The following B4GALT5 variants were observed in gnomAD, a reference collection of about 807,000 sequenced individuals.
The protein encoded by B4GALT5 is beta-1,4-galactosyltransferase 5.
In B4GALT5, 11 loss-of-function variants were observed where a neutral mutation model predicts 45.0. The observed-to-expected ratio is 0.24, with a 90% confidence interval of 0.15 to 0.40. The LOEUF is 0.40. Ranked by LOEUF, B4GALT5 falls within the 10% of genes least tolerant of loss-of-function variation. B4GALT5 has a pLI of 1.00. For missense variants in B4GALT5, 337 were observed against 500.2 expected, an observed-to-expected ratio of 0.67 and a Z score of 3.11; for synonymous variants, 185 against 182.9, an observed-to-expected ratio of 1.01 and a Z score of -0.09.
Position 49,636,477 on chromosome 20 carries a change from A to G in B4GALT5, c.1020-18T>C. On this transcript the variant is annotated intron_variant, in intron 8 of 8. Coordinates refer to ENST00000371711, the MANE Select transcript of B4GALT5 (RefSeq NM_004776.4). ...GAGCATACCTGTTTAGGGAGGGAAC[A>G]GAGAAGAGGTGGCTCTGAGTGAGGA... 6.2e-7 allele frequency: 1 copy of G among 1,613,762 alleles called. No homozygotes were observed. Among genetic ancestry groups the G allele is most frequent in the Non-Finnish European group, 8.5e-7 (1 of 1,179,738 alleles).
chr20:49,676,268 T>C (rs1876364751), intron 1 of B4GALT5, among the ~76,000 whole-genome samples: 1 of 151,936 alleles, frequency 6.6e-6, no homozygotes, highest in Non-Finnish European at 1.5e-5. Flanking sequence ...TCACTGAAAA[T>C]AAAAGTGATC....
At chr20:49,665,478 AAT>A (rs1405795662) in intron 1 of B4GALT5, among the ~76,000 whole-genome samples, 15 of 141,196 alleles carry the variant, frequency 1.1e-4, no homozygotes, top group African/African-American at 3.9e-4. Flanking sequence ...TAATAATAAT[AAT>A]AATGAAGAAA....
At chr20:49,641,525 C>G (rs1293091762) in intron 5 of B4GALT5, among the ~76,000 whole-genome samples, 1 of 152,190 alleles carries the variant, frequency 6.6e-6, no homozygotes, top group Non-Finnish European at 1.5e-5. Context: ...TACATTGACT[C>G]CCCCTTGCCA....
chr20:49,637,562 C>T (rs1395211509), intron 7 of B4GALT5, 120 bp from the exon 8 acceptor site: 7 of 690,364 alleles, frequency 1.0e-5, no homozygotes, highest in East Asian at 5.2e-5. Context: ...AGCTCTCACC[C>T]GCTTAACTGA....
chr20:49,687,126 C>CT (rs1568730348), intron 1 of B4GALT5, among the ~76,000 whole-genome samples: 1 of 152,112 alleles, frequency 6.6e-6, no homozygotes, highest in Non-Finnish European at 1.5e-5. Context: ...GAGAAAGGTG[C>CT]TACTGGCATC....
intron 1 of B4GALT5, among the ~76,000 whole-genome samples, chr20:49,684,812 T>C (rs969864200): frequency 6.6e-6 from 1 of 152,246 alleles, no homozygotes; most frequent in Admixed American, 6.5e-5. Context: ...TTTGAGTCCC[T>C]GCTCGGCTTA....
At chr20:49,662,767 A>C (rs1332396228) in intron 1 of B4GALT5, among the ~76,000 whole-genome samples, 1 of 152,190 alleles carries the variant, frequency 6.6e-6, no homozygotes, top group Non-Finnish European at 1.5e-5. Context: ...GCTTTTAAAA[A>C]CATGTTCCAT....
Position 49,691,191 on chromosome 20 carries a change from A to T in B4GALT5, c.115+22385T>A, listed in dbSNP as rs561858137. ...TCTGATTAAAATGACGGTGCGGGGC[A>T]ATCAGCCAGCTTTAGACACTGCTCC... On this transcript the variant is annotated intron_variant, in intron 1 of 8. Coordinates refer to ENST00000371711, the MANE Select transcript of B4GALT5 (RefSeq NM_004776.4). Among the ~76,000 whole-genome samples the T allele has an allele frequency of 2.0e-5, 3 of 152,278 alleles. No homozygotes were observed. In the South Asian group the frequency reaches 6.2e-4, roughly 32 times the overall value.
At chr20:49,697,110 C>T (rs771242819) in intron 1 of B4GALT5, among the ~76,000 whole-genome samples, 1 of 152,214 alleles carries the variant, frequency 6.6e-6, no homozygotes, top group Non-Finnish European at 1.5e-5. Flanking sequence ...TTGTTGCCTC[C>T]TTACCCTTCT....
chr20:49,713,006 TA>T (rs2146366472), intron 1 of B4GALT5, among the ~76,000 whole-genome samples: 1 of 130,964 alleles, frequency 7.6e-6, no homozygotes, highest in Admixed American at 8.4e-5. Flanking sequence ...GTGGATGTAA[TA>T]GGGGAAGTAG....
At chr20:49,697,969 A>T (rs1444105181) in intron 1 of B4GALT5, among the ~76,000 whole-genome samples, 1 of 152,228 alleles carries the variant, frequency 6.6e-6, no homozygotes, top group Non-Finnish European at 1.5e-5. Flanking sequence ...TGAGGTTAGA[A>T]AAATTACTTT....
intron 1 of B4GALT5, among the ~76,000 whole-genome samples, chr20:49,711,112 C>A: frequency 6.6e-6 from 1 of 151,358 alleles, no homozygotes. Context: ...GAAGGGCAAA[C>A]AGCTAAATGT....
At chr20:49,692,069 G>C (rs948216100) in intron 1 of B4GALT5, among the ~76,000 whole-genome samples, 2 of 151,948 alleles carry the variant, frequency 1.3e-5, no homozygotes, top group Non-Finnish European at 2.9e-5. Context: ...TCTGTAAAGA[G>C]GCCTCAGACA....
At chr20:49,694,948 T>TCC (rs2085832546) in intron 1 of B4GALT5, among the ~76,000 whole-genome samples, 1 of 152,060 alleles carries the variant, frequency 6.6e-6, no homozygotes, top group Admixed American at 6.6e-5. Context: ...CAGAGAACCC[T>TCC]CCTTCTACCA....
At chr20:49,667,365 C>T (rs2085695839) in intron 1 of B4GALT5, among the ~76,000 whole-genome samples, 1 of 151,028 alleles carries the variant, frequency 6.6e-6, no homozygotes, top group Non-Finnish European at 1.5e-5. Flanking sequence ...CATTCTCCTG[C>T]CTCAGCCTCC....
intron 1 of B4GALT5, among the ~76,000 whole-genome samples, chr20:49,695,659 C>T (rs566629814): frequency 6.6e-6 from 1 of 152,158 alleles, no homozygotes; most frequent in Non-Finnish European, 1.5e-5. Context: ...GTTTGGCCTC[C>T]CAAAGTGCTA....
chr20:49,702,966 G>A (rs988687365), intron 1 of B4GALT5, among the ~76,000 whole-genome samples: 4 of 151,868 alleles, frequency 2.6e-5, no homozygotes, highest in Admixed American at 6.6e-5. Flanking sequence ...GAGGTCAGGA[G>A]ATCAAGACCA....
rs867686454 is a variant in B4GALT5, at chr20:49,690,560, A to G, written c.115+23016T>C. 5.9e-3 allele frequency among the ~76,000 whole-genome samples: 874 copies of G among 149,356 alleles called. 16 individuals are homozygous for G. Among genetic ancestry groups the G allele is most frequent in the African/African-American group, 0.02 (799 of 40,536 alleles). On this transcript the variant is annotated intron_variant, in intron 1 of 8. Coordinates refer to ENST00000371711, the MANE Select transcript of B4GALT5 (RefSeq NM_004776.4). ...GTGAAACTCTAACTCAAAAAAAAAA[A>G]GGGGGGGGTGACAATTATATTTTAA... is the stretch of plus-strand genomic sequence containing the variant.
intron 1 of B4GALT5, among the ~76,000 whole-genome samples, chr20:49,710,844 T>C (rs556038471): frequency 3.3e-5 from 5 of 152,270 alleles, no homozygotes; most frequent in Admixed American, 2.0e-4. Context: ...GCCGCCCCAC[T>C]GTCCAAAGCT....
Sources: allele counts gnomAD v4.1 joint callset (sites outside exome capture counted in the v4.1 genomes callset), GRCh38; gene constraint gnomAD v4.1.1; transcripts MANE v1.5; gene names NCBI Gene and HGNC (gene_info 2026-07-23, HGNC 2026-07-21).